TPGS2: variants seen among roughly 807,000 people sequenced by gnomAD.
TPGS2 encodes tubulin polyglutamylase complex subunit 2.
In TPGS2, 26 loss-of-function variants were observed where a neutral mutation model predicts 31.1. The ratio of observed to expected loss-of-function variants is 0.84; its 90% confidence interval spans 0.61 to 1.16. The LOEUF (loss-of-function observed/expected upper bound fraction) is 1.16, where lower values mean the gene tolerates loss of function less well. TPGS2 is among the 50% of genes most tolerant of loss of function. TPGS2 has a pLI of 0.00. For missense variants in TPGS2, 351 were observed against 363.8 expected, an observed-to-expected ratio of 0.96 and a Z score of 0.29; for synonymous variants, 130 against 136.6, an observed-to-expected ratio of 0.95 and a Z score of 0.34.
Position 36,807,936 on chromosome 18 carries a change from T to G in TPGS2, c.166-2A>C. On this transcript the variant is annotated splice_acceptor_variant, in intron 2 of 6. Transcript: ENST00000334295. LOFTEE classifies it high-confidence loss of function. ...TTCAGGCATCACACAGTTATTCTTC[T>G]AGAATCACAAAGCAGCTAAGTGTTA... The G allele has an allele frequency of 6.2e-7, 1 of 1,614,062 alleles. No homozygotes were observed. Among genetic ancestry groups the G allele is most frequent in the South Asian group, 1.1e-5 (1 of 91,078 alleles).
chr18:36,824,331 C>T (rs1482093474), intron 1 of TPGS2, among the ~76,000 whole-genome samples: 1 of 152,142 alleles, frequency 6.6e-6, no homozygotes, highest in Non-Finnish European at 1.5e-5. Flanking sequence ...CATTTGTATG[C>T]AAGTGTTTTC....
intron 6 of TPGS2, chr18:36,783,277 T>C (rs1464618859): frequency 7.9e-6 from 3 of 379,790 alleles, no homozygotes; most frequent in African/African-American, 2.1e-5. Context: ...TTCAGGATGT[T>C]AAATTTTTCT....
downstream of TPGS2, among the ~76,000 whole-genome samples, chr18:36,792,597 C>T (rs1600729664): frequency 6.6e-6 from 1 of 152,308 alleles, no homozygotes; most frequent in Non-Finnish European, 1.5e-5. Flanking sequence ...TGGTGAGCAT[C>T]ATTGTCACCA....
chr18:36,809,406 G>T (rs2045315464), intron 2 of TPGS2, among the ~76,000 whole-genome samples: 2 of 152,266 alleles, frequency 1.3e-5, no homozygotes, highest in South Asian at 4.1e-4. Flanking sequence ...TAATGAAACA[G>T]GTTTTAAATT....
At chr18:36,802,078 C>T (rs72883570) in intron 4 of TPGS2, among the ~76,000 whole-genome samples, 18,368 of 152,202 alleles carry the variant, frequency 0.12, 1,380 homozygotes, top group Admixed American at 0.17. Context: ...TCTTAGCCAC[C>T]AATAATCCAA....
chr18:36,806,714 G>T (rs1251024875), intron 3 of TPGS2, among the ~76,000 whole-genome samples: 2 of 151,760 alleles, frequency 1.3e-5, no homozygotes, highest in African/African-American at 2.4e-5. Flanking sequence ...AGCCGGGTGT[G>T]GTGGCACATG....
At chr18:36,789,497 G>C (rs1395334485), downstream of TPGS2, 2 of 152,188 alleles carry the variant, frequency 1.3e-5, no homozygotes, top group Non-Finnish European at 2.9e-5. Context: ...ACAGGTCTGA[G>C]AGAATATACC....
chr18:36,802,729 G>A (rs992264594), intron 4 of TPGS2, among the ~76,000 whole-genome samples: 1 of 152,102 alleles, frequency 6.6e-6, no homozygotes, highest in Admixed American at 6.5e-5. Context: ...CTGGGTTCAA[G>A]TGACTCTCTT....
intron 2 of TPGS2, among the ~76,000 whole-genome samples, chr18:36,818,046 T>C (rs554205946): frequency 3.9e-5 from 6 of 152,338 alleles, no homozygotes; most frequent in Middle Eastern, 3.4e-3. Context: ...CTAAATGTCC[T>C]GGTCCTTGCT....
At chr18:36,785,130 C>A (rs2044098851) in intron 6 of TPGS2, among the ~76,000 whole-genome samples, 1 of 152,136 alleles carries the variant, frequency 6.6e-6, no homozygotes, top group Admixed American at 6.5e-5. Context: ...GAAACCCCAT[C>A]TCTACTAAAA....
chr18:36,819,063 C>G, intron 1 of TPGS2, 90 bp from the exon 2 acceptor site: 1 of 1,028,428 alleles, frequency 9.7e-7, no homozygotes, highest in African/African-American at 1.6e-5. Context: ...GATGACTGCT[C>G]TTAAGAACAT....
intron 1 of TPGS2, among the ~76,000 whole-genome samples, chr18:36,827,566 G>A (rs1011017202): frequency 1.4e-4 from 21 of 152,220 alleles, no homozygotes; most frequent in African/African-American, 4.3e-4. Flanking sequence ...AAAGAGATGA[G>A]AGCAGATCTT....
intron 5 of TPGS2, 24 bp downstream of exon 5, chr18:36,800,174 A>G: frequency 6.2e-7 from 1 of 1,606,404 alleles, no homozygotes; most frequent in South Asian, 1.1e-5. Flanking sequence ...AAACTACGGG[A>G]CCACGCTTGT....
At chr18:36,784,595 G>A (rs898259494) in intron 6 of TPGS2, among the ~76,000 whole-genome samples, 2 of 152,124 alleles carry the variant, frequency 1.3e-5, no homozygotes, top group African/African-American at 4.8e-5. Context: ...GACAATTTGT[G>A]GAGGGAAAAT....
intron 1 of TPGS2, among the ~76,000 whole-genome samples, chr18:36,823,430 A>T (rs2045978719): frequency 6.7e-6 from 1 of 149,822 alleles, no homozygotes; most frequent in Admixed American, 6.6e-5. Flanking sequence ...TTCCTACCTC[A>T]AATCTCTCTG....
At chr18:36,790,476 A>G (rs754367147), downstream of TPGS2, among the ~76,000 whole-genome samples, 17 of 152,246 alleles carry the variant, frequency 1.1e-4, no homozygotes, top group Non-Finnish European at 2.1e-4. Context: ...GCTAAGAGCT[A>G]TAGGAAACAT....
At chr18:36,816,685 T>A (rs777951733) in intron 2 of TPGS2, among the ~76,000 whole-genome samples, 52 of 152,192 alleles carry the variant, frequency 3.4e-4, no homozygotes, top group Non-Finnish European at 6.3e-4. Flanking sequence ...CTCAGTTCAC[T>A]ACAACCTCCG....
At chr18:36,805,895 A>T (rs1315901294) in intron 3 of TPGS2, 1 of 155,154 alleles carries the variant, frequency 6.4e-6, no homozygotes, top group Non-Finnish European at 1.4e-5. Context: ...AAGGAGTAAT[A>T]GCTTTGATTA....
intron 2 of TPGS2, among the ~76,000 whole-genome samples, chr18:36,812,870 G>A (rs1352275046): frequency 1.3e-5 from 2 of 152,194 alleles, no homozygotes; most frequent in East Asian, 3.9e-4. Context: ...CTGATAGCTT[G>A]TTGATGTGTT....
Sources: gnomAD v4.1 joint callset for allele counts (sites outside exome capture counted in the v4.1 genomes callset) on GRCh38, gnomAD v4.1.1 for gene constraint, MANE v1.5 for transcripts, NCBI Gene and HGNC (gene_info 2026-07-23, HGNC 2026-07-21) for gene names.